DMD: variants seen among roughly 807,000 people sequenced by gnomAD.
DMD encodes mutant dystrophin.
A neutral mutation model predicts 330.1 loss-of-function variants in DMD; 63 were observed. The observed-to-expected ratio is 0.19, with a 90% confidence interval of 0.16 to 0.24. The LOEUF is 0.24. Ranked by LOEUF, DMD falls within the 10% of genes least tolerant of loss-of-function variation. The pLI is 1.00. For synonymous variants in DMD, 1,223 were observed against 959.8 expected, an observed-to-expected ratio of 1.27 and a Z score of -5.07; for missense variants, 3,344 against 2,684.1, an observed-to-expected ratio of 1.25 and a Z score of -5.43.
chrX:31,897,315 T>C (rs2094353267), intron 47 of DMD, among the ~76,000 whole-genome samples: 1 of 110,852 alleles, frequency 9.0e-6, no homozygotes, highest in African/African-American at 3.3e-5. Context: ...CTTAATCCAG[T>C]CTATCATTGT....
intron 7 of DMD, among the ~76,000 whole-genome samples, chrX:32,751,719 G>C: frequency 8.9e-6 from 1 of 112,266 alleles, no homozygotes; most frequent in Admixed American, 9.4e-5. Flanking sequence ...GACCTTTGTG[G>C]CAGCCCCTCC....
At chrX:32,832,115 T>C (rs1218757620) in intron 4 of DMD, among the ~76,000 whole-genome samples, 1 of 111,407 alleles carries the variant, frequency 9.0e-6, no homozygotes, top group Non-Finnish European at 1.9e-5. Context: ...TCACTTTTGT[T>C]CCCTCATATG....
chrX:32,899,673 CAAA>C (rs755390925), intron 2 of DMD, among the ~76,000 whole-genome samples: 1 of 42,678 alleles, frequency 2.3e-5, no homozygotes. Context: ...GACTCCGTCT[CAAA>C]AAAAAAAAAA....
chrX:32,764,128 A>C (rs1029500194), intron 7 of DMD, among the ~76,000 whole-genome samples: 1 of 110,281 alleles, frequency 9.1e-6, no homozygotes. Context: ...ATGGTTAAAA[A>C]TTATGTTTAG....
At chrX:31,723,897 G>T (rs1393990030) in intron 52 of DMD, among the ~76,000 whole-genome samples, 2 of 111,653 alleles carry the variant, frequency 1.8e-5, no homozygotes, top group Admixed American at 1.9e-4. Flanking sequence ...CTCTACTGAA[G>T]CACCTATCCT....
chrX:32,877,718 G>A (rs979389917), intron 2 of DMD, among the ~76,000 whole-genome samples: 2 of 111,776 alleles, frequency 1.8e-5, no homozygotes, highest in Admixed American at 9.5e-5. Flanking sequence ...ACAGAGATCC[G>A]GAAGTGCCTT....
intron 2 of DMD, among the ~76,000 whole-genome samples, chrX:32,977,662 G>T (rs1377606621): frequency 9.0e-6 from 1 of 110,759 alleles, no homozygotes; most frequent in Non-Finnish European, 1.9e-5. Context: ...CCTTAGAAAG[G>T]TCAAAGACTT....
At chrX:31,600,280 A>G (rs1437879987) in intron 55 of DMD, among the ~76,000 whole-genome samples, 4 of 111,637 alleles carry the variant, frequency 3.6e-5, no homozygotes, top group Non-Finnish European at 7.5e-5. Flanking sequence ...CTAACCAGCA[A>G]ATGGCAGATA....
chrX:31,225,336 CTCT>C (rs1294408552), intron 63 of DMD, among the ~76,000 whole-genome samples: 2 of 112,344 alleles, frequency 1.8e-5, no homozygotes, highest in Non-Finnish European at 3.8e-5. Flanking sequence ...TTATATTTAG[CTCT>C]TATTACACCA....
chrX:32,511,721 T>C (rs1367765266), intron 18 of DMD, among the ~76,000 whole-genome samples: 1 of 110,395 alleles, frequency 9.1e-6, no homozygotes, highest in Non-Finnish European at 1.9e-5. Context: ...CCAGCTTTTC[T>C]GTATGTGTGT....
At chrX:31,370,490 T>C (rs1192795039) in intron 60 of DMD, among the ~76,000 whole-genome samples, 3 of 112,066 alleles carry the variant, frequency 2.7e-5, no homozygotes, top group Admixed American at 9.5e-5. Flanking sequence ...CAATGAGATA[T>C]TCCTACACAC....
intron 7 of DMD, among the ~76,000 whole-genome samples, chrX:32,788,261 G>A (rs139212860): frequency 3.9e-3 from 437 of 111,700 alleles, no homozygotes; most frequent in African/African-American, 0.014. Flanking sequence ...AAATTAACTG[G>A]GGAGTGGGGC....
intron 61 of DMD, among the ~76,000 whole-genome samples, chrX:31,326,653 T>G (rs2056807497): frequency 9.2e-6 from 1 of 108,613 alleles, no homozygotes; most frequent in African/African-American, 3.4e-5. Flanking sequence ...TGCCCCATCA[T>G]AATCACATAC....
chrX:32,811,842 T>G (rs1039182486), intron 6 of DMD, among the ~76,000 whole-genome samples: 2 of 109,417 alleles, frequency 1.8e-5, no homozygotes, highest in African/African-American at 7.0e-5. Context: ...CGTTTCGACT[T>G]GCATTAAAAA....
intron 45 of DMD, among the ~76,000 whole-genome samples, chrX:31,937,743 C>T (rs1026638181): frequency 3.6e-5 from 4 of 112,073 alleles, no homozygotes; most frequent in African/African-American, 1.3e-4. Flanking sequence ...TATTGGCATT[C>T]ATCACATGAA....
chrX:32,695,568 C>A (rs1328166274), intron 9 of DMD, among the ~76,000 whole-genome samples: 1 of 110,872 alleles, frequency 9.0e-6, no homozygotes, highest in Admixed American at 9.6e-5. Context: ...GGACAAGAAA[C>A]TTCATAATAA....
chrX:32,472,062 A>G (rs775585312), intron 22 of DMD, 102 bp downstream of exon 22: 1 of 1,034,662 alleles, frequency 9.7e-7, no homozygotes, highest in East Asian at 3.1e-5. Context: ...AAACTACCAT[A>G]CTTGTCAGAA....
intron 57 of DMD, among the ~76,000 whole-genome samples, chrX:31,495,675 A>G (rs759537875): frequency 4.9e-4 from 55 of 112,054 alleles, no homozygotes; most frequent in Non-Finnish European, 8.3e-4. Flanking sequence ...AAAATAGGAG[A>G]CAAGTGCAAA....
intron 44 of DMD, chrX:32,206,800 T>G (rs780357637): frequency 1.1e-4 from 43 of 393,088 alleles, no homozygotes; most frequent in Non-Finnish European, 1.8e-4. Context: ...TAACAGTTGA[T>G]ATCTGGCTGT....
Sources: gnomAD v4.1 joint callset for allele counts (sites outside exome capture counted in the v4.1 genomes callset) on GRCh38, gnomAD v4.1.1 for gene constraint, MANE v1.5 for transcripts, NCBI Gene and HGNC (gene_info 2026-07-23, HGNC 2026-07-21) for gene names.